Variants in KLRF1 observed in about 807,000 individuals in gnomAD.
The protein encoded by KLRF1 is killer cell lectin like receptor F1, also known as killer cell lectin-like receptor subfamily F member 1.
KLRF1 carries 27 observed loss-of-function variants against 30.7 expected under a neutral mutation model. The ratio of observed to expected loss-of-function variants is 0.88; its 90% CI spans 0.65 to 1.21. The LOEUF (loss-of-function observed/expected upper bound fraction) is 1.21, where lower values mean the gene tolerates loss of function less well. Among genes scored for constraint, KLRF1 ranks in the 50% most tolerant of loss-of-function variants. KLRF1 has a pLI of 0.00. For missense variants in KLRF1, 246 were observed against 259.3 expected (o/e 0.95, Z 0.35); for synonymous variants, 92 against 89.3 (o/e 1.03, Z -0.17).
chr12:9,829,109 C>T lies in KLRF1; in HGVS notation c.85+1480C>T, dbSNP rs1867350473. 2.0e-5 allele frequency among the ~76,000 whole-genome samples: 3 copies of T among 152,084 alleles called. No individual in the cohort carries two copies. The South Asian group carries it at 6.2e-4, about 32-fold the overall frequency. On this transcript the variant is annotated intron_variant, in intron 1 of 5. Coordinates refer to ENST00000617889, the MANE Select transcript of KLRF1 (RefSeq NM_016523.3). ...GTGATGACATATTTGTAAATCTTTTCTCATATATTGAAAAACCTTTGTTGC... is the reference window on the plus strand; with the variant it reads ...GTGATGACATATTTGTAAATCTTTTTTCATATATTGAAAAACCTTTGTTGC...
intron 2 of KLRF1, 48 bp downstream of exon 2, chr12:9,832,462 T>A (rs753998657): frequency 9.7e-7 from 1 of 1,034,522 alleles, no homozygotes; most frequent in Non-Finnish European, 1.5e-6. Flanking sequence ...AGATGTTTAC[T>A]TGTCTCTTAT....
At chr12:9,840,905 C>T (rs1867686081) in intron 3 of KLRF1, among the ~76,000 whole-genome samples, 1 of 152,004 alleles carries the variant, frequency 6.6e-6, no homozygotes, top group African/African-American at 2.4e-5. Context: ...TCCTCAAAGA[C>T]CTAAAGGCAG....
intron 3 of KLRF1, among the ~76,000 whole-genome samples, chr12:9,834,705 C>T (rs1313348852): frequency 6.6e-6 from 1 of 152,110 alleles, no homozygotes; most frequent in Non-Finnish European, 1.5e-5. Flanking sequence ...GGACCCAGTA[C>T]ATCCAATTAG....
At chr12:9,823,224 C>CAAA (rs71049011), upstream of KLRF1, among the ~76,000 whole-genome samples, 228 of 139,072 alleles carry the variant, frequency 1.6e-3, 1 homozygote, top group South Asian at 3.1e-3. Context: ...TTAGCAAATG[C>CAAA]AAAAAAAAAA....
intron 3 of KLRF1, among the ~76,000 whole-genome samples, chr12:9,837,742 A>G (rs1029792242): frequency 6.6e-6 from 1 of 152,164 alleles, no homozygotes; most frequent in African/African-American, 2.4e-5. Flanking sequence ...CAGATATCTA[A>G]GTCTTCTTTA....
chr12:9,820,161 G>A, the KLRF1 span, among the ~76,000 whole-genome samples: 1 of 150,854 alleles, frequency 6.6e-6, no homozygotes, highest in East Asian at 2.0e-4. Context: ...GTTTGGGCCA[G>A]CAACATGTTG....
upstream of KLRF1, among the ~76,000 whole-genome samples, chr12:9,825,893 C>T (rs1007220125): frequency 6.6e-6 from 1 of 152,028 alleles, no homozygotes; most frequent in Non-Finnish European, 1.5e-5. Flanking sequence ...TTTTATTTAT[C>T]AATCTTAATT....
chr12:9,814,166 C>T, the KLRF1 span, among the ~76,000 whole-genome samples: 1 of 152,226 alleles, frequency 6.6e-6, no homozygotes, highest in East Asian at 1.9e-4. Flanking sequence ...CCGGGGGAAT[C>T]GGCAGTGCAG....
chr12:9,832,527 A>C (rs1867456255), intron 2 of KLRF1, 113 bp downstream of exon 2: 2 of 648,026 alleles, frequency 3.1e-6, no homozygotes, highest in Admixed American at 5.4e-5. Context: ...AGATTGAATT[A>C]GAAGCTACTG....
the KLRF1 span, among the ~76,000 whole-genome samples, chr12:9,802,497 C>T: frequency 1.3e-5 from 2 of 151,704 alleles, no homozygotes; most frequent in Non-Finnish European, 2.9e-5. Flanking sequence ...GGCAATCAGG[C>T]AAGAGAAAGA....
the KLRF1 span, among the ~76,000 whole-genome samples, chr12:9,820,610 C>T: frequency 9.0e-4 from 137 of 152,248 alleles, no homozygotes; most frequent in African/African-American, 3.2e-3. Flanking sequence ...CTGGACTGTT[C>T]TCCACACACA....
In KLRF1 at chr12:9,827,537, C is replaced by T. The variant is rs1867307589; in HGVS notation, c.-8C>T. ...ACCTGTATACACACACATTCACTCA[C>T]ATTGAAGATGCAAGATGAAGAAAGA... On this transcript the variant is annotated 5_prime_UTR_variant, in exon 1 of 6. Transcript: ENST00000617889. 6 of 1,564,164 alleles carry T rather than the reference C, an allele frequency of 3.8e-6. No homozygotes were observed. Among genetic ancestry groups the T allele is most frequent in the Non-Finnish European group, 5.3e-6 (6 of 1,137,922 alleles).
chr12:9,841,107 CATACCATGGAATACT>C (rs1867691617), intron 3 of KLRF1, among the ~76,000 whole-genome samples: 1 of 152,022 alleles, frequency 6.6e-6, no homozygotes, highest in Non-Finnish European at 1.5e-5. Flanking sequence ...CATACCATTC[CATACCATGGAATACT>C]ATGAAGCCAT....
the KLRF1 span, among the ~76,000 whole-genome samples, chr12:9,816,666 A>G: frequency 1.3e-5 from 2 of 151,690 alleles, no homozygotes; most frequent in South Asian, 2.1e-4. Flanking sequence ...CTGTCTAGGT[A>G]GATGTCACAG....
the KLRF1 span, among the ~76,000 whole-genome samples, chr12:9,811,589 A>C: frequency 2.0e-5 from 3 of 152,164 alleles, no homozygotes; most frequent in African/African-American, 7.2e-5. Flanking sequence ...AAATTAGATA[A>C]AAGTTGGACT....
chr12:9,843,284 G>A (rs570861562), intron 5 of KLRF1, among the ~76,000 whole-genome samples: 5 of 152,260 alleles, frequency 3.3e-5, no homozygotes, highest in South Asian at 2.1e-4. Context: ...CTCTGCAGAC[G>A]TTTTGATCTT....
rs896365963 is a variant in KLRF1 at position 9,844,697 on chromosome 12, CA to C, written c.*174del. On this transcript the variant is annotated 3_prime_UTR_variant, in exon 6 of 6. Coordinates refer to ENST00000617889, the MANE Select transcript of KLRF1 (RefSeq NM_016523.3). The stretch of plus-strand genomic sequence containing the variant: ...CTAGCCTCAGAGTAACCCCTGTTAA[CA>C]AACTAAAATGTACACTTCAAAATTT... 4.2e-6 allele frequency: 2 copies of C among 480,942 alleles called. No individual in the cohort carries two copies. Among genetic ancestry groups the C allele is most frequent in the African/African-American group, 3.9e-5 (2 of 50,976 alleles). 29.8% of individuals were successfully genotyped at this position (480,942 alleles called of 1,614,324 possible). A position where few individuals can be genotyped will look rare whatever the true frequency, so the allele number is the denominator to read the frequency against.
chr12:9,831,260 T>C (rs1174833784), intron 1 of KLRF1, among the ~76,000 whole-genome samples: 1 of 152,162 alleles, frequency 6.6e-6, no homozygotes, highest in Non-Finnish European at 1.5e-5. Flanking sequence ...ATGTGGAGTA[T>C]TCATTAAATG....
At chr12:9,817,418 T>G in the KLRF1 span, 12 of 422,002 alleles carry the variant, frequency 2.8e-5, no homozygotes, top group Non-Finnish European at 4.6e-5. Flanking sequence ...CTCTGGTAGC[T>G]TTTTATCACA....
Sources: allele counts gnomAD v4.1 joint callset (sites outside exome capture counted in the v4.1 genomes callset), GRCh38; gene constraint gnomAD v4.1.1; transcripts MANE v1.5; gene names NCBI Gene and HGNC (gene_info 2026-07-23, HGNC 2026-07-21).